ZFR2: variants seen among roughly 807,000 people sequenced by gnomAD.
ZFR2 encodes the protein zinc finger RNA-binding protein 2.
Under a neutral mutation model 105.7 loss-of-function variants are expected in ZFR2, and 104 were observed. The ratio of observed to expected loss-of-function variants is 0.98; its 90% CI spans 0.84 to 1.16. The LOEUF is 1.16. ZFR2 is among the 50% of genes most tolerant of loss of function. The probability of loss-of-function intolerance (pLI) is 0.00; values close to 1 mark genes in which losing one functional copy is unlikely to be tolerated. For missense variants in ZFR2, 1,425 were observed against 1,355.5 expected, an observed-to-expected ratio of 1.05 and a Z score of -0.80; for synonymous variants, 634 against 597.7, an observed-to-expected ratio of 1.06 and a Z score of -0.89.
In ZFR2 at chr19:3,839,676, A is replaced by T. The variant is rs149269237; in HGVS notation, c.54-4693T>A. Among the ~76,000 whole-genome samples, 109 of 151,804 alleles carry T rather than the reference A, an allele frequency of 7.2e-4. 1 individual carries two copies. The highest frequency in any genetic ancestry group is 3.4e-3 in the Middle Eastern group (1 of 292). ...AAACATAAAACCACTTAACAAACAC[A>T]TATCACTGAGATGGGTAAGTGCTAA... On this transcript the variant is annotated intron_variant, in intron 1 of 18. Coordinates refer to ENST00000262961, the MANE Select transcript of ZFR2 (RefSeq NM_015174.2).
chr19:3,840,743 G>C (rs1373059742), intron 1 of ZFR2, among the ~76,000 whole-genome samples: 1 of 151,974 alleles, frequency 6.6e-6, no homozygotes, highest in Admixed American at 6.6e-5. Flanking sequence ...TGTTGCCCAG[G>C]ATGACCTCCA....
chr19:3,837,088 G>C (rs887429814), intron 1 of ZFR2, among the ~76,000 whole-genome samples: 1 of 152,186 alleles, frequency 6.6e-6, no homozygotes, highest in African/African-American at 2.4e-5. Flanking sequence ...TGTCAGGGCC[G>C]GGGACAAGGA....
intron 5 of ZFR2, among the ~76,000 whole-genome samples, chr19:3,830,975 A>G (rs1199991576): frequency 2.7e-5 from 4 of 147,094 alleles, no homozygotes; most frequent in Non-Finnish European, 4.5e-5. Context: ...ACACACATGC[A>G]CACACATACA....
At chr19:3,843,721 G>C (rs1599245807) in intron 1 of ZFR2, among the ~76,000 whole-genome samples, 1 of 151,474 alleles carries the variant, frequency 6.6e-6, no homozygotes, top group South Asian at 2.1e-4. Flanking sequence ...TGTAGTCCCA[G>C]CTACTAGGGA....
intron 12 of ZFR2, among the ~76,000 whole-genome samples, chr19:3,818,131 G>T (rs543417943): frequency 5.1e-4 from 78 of 152,370 alleles, no homozygotes; most frequent in African/African-American, 1.9e-3. Context: ...TGTGCACTTA[G>T]ACAGGTTAAA....
At chr19:3,830,614 G>A (rs1743703741) in intron 5 of ZFR2, among the ~76,000 whole-genome samples, 1 of 152,150 alleles carries the variant, frequency 6.6e-6, no homozygotes, top group African/African-American at 2.4e-5. Flanking sequence ...CAGGGGTCCT[G>A]ATAACGGTGT....
intron 1 of ZFR2, among the ~76,000 whole-genome samples, chr19:3,867,309 G>GGGGA (rs1555762895): frequency 2.8e-4 from 43 of 151,690 alleles, no homozygotes; most frequent in Admixed American, 3.9e-4. Context: ...ACTGTTGGGG[G>GGGGA]GGGAATCTGG....
chr19:3,819,134 C>T lies in ZFR2; in HGVS notation c.1842G>A (p.Val614=). Residue 614 remains valine, a synonymous_variant, in exon 12 of 19, where the codon GTG becomes GTA. Transcript: ENST00000262961. The part of the protein sequence containing the change: ...EQELLAVQRA[V]SHAERALKLV... ...GCTTGAGGGCCCGCTCTGCGTGGGA[C>T]ACGGCCCTCTGCACGGCCAGGAGCT... is the stretch of plus-strand genomic sequence containing the variant. The T allele has an allele frequency of 6.2e-7, 1 of 1,610,580 alleles. No individual in the cohort carries two copies. Among genetic ancestry groups the T allele is most frequent in the Non-Finnish European group, 8.5e-7 (1 of 1,179,478 alleles).
chr19:3,811,414 G>A lies in ZFR2; in HGVS notation c.2243-48C>T, dbSNP rs377076688. ...GTGTGCGGGGAAGGTGCCTCGTCCC[G>A]CTCTGCTGCCGACGGGGTGAGGGGC... On this transcript the variant is annotated intron_variant, in intron 14 of 18. Transcript: ENST00000262961. The A allele has an allele frequency of 5.7e-5, 87 of 1,526,414 alleles. No homozygotes were observed. In the African/African-American group the frequency reaches 9.5e-4, roughly 17 times the overall value. 94.6% of individuals were successfully genotyped at this position (1,526,414 alleles called of 1,614,324 possible).
chr19:3,855,503 G>A (rs1322811588), intron 1 of ZFR2: 1 of 1,201,482 alleles, frequency 8.3e-7, no homozygotes, highest in East Asian at 3.2e-5. Flanking sequence ...TGCTGTCATG[G>A]GCGCTGTCAC....
At chr19:3,868,710 C>A (rs1433611172) in intron 1 of ZFR2, among the ~76,000 whole-genome samples, 1 of 152,118 alleles carries the variant, frequency 6.6e-6, no homozygotes, top group African/African-American at 2.4e-5. Flanking sequence ...AGCCCCCTCC[C>A]GCTCCCGCCG....
At position 3,867,675 on chromosome 19, in the gene ZFR2, G is replaced by A. The variant is rs190717404; in HGVS notation, c.53+1290C>T. On this transcript the variant is annotated intron_variant, in intron 1 of 18. Transcript: ENST00000262961. ...TGTCCCAGCAGGGTCCCAGTTCCCT[G>A]GAAACCCAGGTGCCCACCCTCTTAT... Among the ~76,000 whole-genome samples, 98 of 152,044 alleles carry A rather than the reference G, an allele frequency of 6.4e-4. 1 individual carries two copies. Among genetic ancestry groups the A allele is most frequent in the Non-Finnish European group, 1.4e-3 (95 of 67,948 alleles).
intron 1 of ZFR2, among the ~76,000 whole-genome samples, chr19:3,837,734 G>T (rs926880662): frequency 6.7e-6 from 1 of 150,086 alleles, no homozygotes. Context: ...GATGAATGCT[G>T]TGACTGTGGA....
Position 3,818,539 on chromosome 19 carries a change from G to C in ZFR2, c.1931+506C>G, listed in dbSNP as rs915428173. Among the ~76,000 whole-genome samples the C allele has an allele frequency of 4.6e-5, 7 of 152,228 alleles. No homozygotes were observed. In the East Asian group the frequency reaches 1.2e-3, roughly 25 times the overall value. On this transcript the variant is annotated intron_variant, in intron 12 of 18. Coordinates refer to ENST00000262961, the MANE Select transcript of ZFR2 (RefSeq NM_015174.2). ...AGAGCAGGAAAGGACTTTGAAAAAA[G>C]GTAACTCCCGCTCAGATGAGTTATC... is the stretch of plus-strand genomic sequence containing the variant.
intron 16 of ZFR2, among the ~76,000 whole-genome samples, chr19:3,809,818 C>A (rs2037742194): frequency 6.6e-6 from 1 of 152,080 alleles, no homozygotes; most frequent in South Asian, 2.1e-4. Context: ...GTGGTGCGTG[C>A]CTGTAATCCC....
At chr19:3,826,969 C>T (rs777352223) in intron 6 of ZFR2, among the ~76,000 whole-genome samples, 8 of 151,722 alleles carry the variant, frequency 5.3e-5, no homozygotes, top group East Asian at 2.0e-4. Flanking sequence ...AGTCCCCGCA[C>T]GGTGGCTCAC....
In ZFR2 at chr19:3,810,813, G is replaced by A. The variant is rs1437943758; in HGVS notation, c.2370C>T (p.Ile790=). 10 of 1,550,346 alleles carry A rather than the reference G, an allele frequency of 6.5e-6. No individual in the cohort carries two copies. The highest frequency in any genetic ancestry group is 5.9e-5 in the Admixed American group (3 of 50,976). The part of the protein sequence containing the change: ...ARASGLQPCV[I]VIRVLRDLCR... ...AGAGGTCCCTCAGGACCCTGATGAC[G>A]ATCACGCATGGCTGCAGGCCGCTGG... Residue 790 remains isoleucine (I), a synonymous_variant, in exon 16 of 19, where the codon ATC becomes ATT. Transcript: ENST00000262961.
At chr19:3,845,975 CTT>C (rs1035907912) in intron 1 of ZFR2, among the ~76,000 whole-genome samples, 3 of 152,080 alleles carry the variant, frequency 2.0e-5, no homozygotes, top group African/African-American at 7.2e-5. Context: ...ATATGGAAAT[CTT>C]TTTCTTTTTT....
intron 1 of ZFR2, among the ~76,000 whole-genome samples, chr19:3,861,526 C>T (rs1434091488): frequency 1.3e-5 from 2 of 151,918 alleles, no homozygotes; most frequent in Non-Finnish European, 2.9e-5. Context: ...CTTAGGAGGC[C>T]GAGGAGGGAG....
Sources: gnomAD v4.1 joint callset for allele counts (sites outside exome capture counted in the v4.1 genomes callset) on GRCh38, gnomAD v4.1.1 for gene constraint, MANE v1.5 for transcripts, NCBI Gene and HGNC (gene_info 2026-07-23, HGNC 2026-07-21) for gene names.